NELL1: variants seen among roughly 807,000 people sequenced by gnomAD.
NELL1 encodes neural EGFL like 1.
Under a neutral mutation model 107.4 loss-of-function variants are expected in NELL1, and 76 were observed. That is an observed-to-expected ratio of 0.71 (90% CI 0.59 to 0.86). NELL1 has a LOEUF of 0.86. NELL1 is among the 40% of genes least tolerant of loss of function. NELL1 has a pLI of 0.00. For missense variants in NELL1, 1,024 were observed against 1,005.5 expected (o/e 1.02, Z -0.25); for synonymous variants, 353 against 341.2 (o/e 1.03, Z -0.38).
intron 11 of NELL1, among the ~76,000 whole-genome samples, chr11:20,948,851 A>C (rs2134200410): frequency 6.6e-6 from 1 of 151,978 alleles, no homozygotes; most frequent in East Asian, 1.9e-4. Flanking sequence ...ATTCTCAAAT[A>C]CCCAGTAAGT....
intron 2 of NELL1, among the ~76,000 whole-genome samples, chr11:20,726,087 T>C (rs1343443865): frequency 6.6e-6 from 1 of 152,220 alleles, no homozygotes; most frequent in Non-Finnish European, 1.5e-5. Context: ...CGGTCTTTTT[T>C]ATGACTGCAT....
chr11:20,916,457 T>C (rs1417216677), intron 5 of NELL1, among the ~76,000 whole-genome samples: 1 of 151,926 alleles, frequency 6.6e-6, no homozygotes, highest in Non-Finnish European at 1.5e-5. Context: ...TTAAAATGAG[T>C]TTTCAGTTTG....
At chr11:21,140,020 T>A (rs1038317720) in intron 13 of NELL1, among the ~76,000 whole-genome samples, 2 of 152,172 alleles carry the variant, frequency 1.3e-5, no homozygotes, top group South Asian at 4.1e-4. Flanking sequence ...AAACAGATAA[T>A]GATCTCTGAG....
At chr11:20,672,984 C>CCCCCCCCCCG (rs1853957390) in intron 1 of NELL1, among the ~76,000 whole-genome samples, 1 of 94,484 alleles carries the variant, frequency 1.1e-5, no homozygotes. Flanking sequence ...CCCCCCCCCC[C>CCCCCCCCCCG]CCCGAGTAGC....
intron 13 of NELL1, among the ~76,000 whole-genome samples, chr11:21,199,234 C>A (rs892297903): frequency 1.3e-5 from 2 of 152,072 alleles, no homozygotes; most frequent in Non-Finnish European, 2.9e-5. Flanking sequence ...GCACACTTAC[C>A]TTAAATCCAT....
chr11:21,342,389 C>T (rs889949526), intron 14 of NELL1, among the ~76,000 whole-genome samples: 2 of 143,344 alleles, frequency 1.4e-5, no homozygotes, highest in South Asian at 4.6e-4. Flanking sequence ...GCCTGTAATC[C>T]CAGTGCTTTG....
At chr11:21,271,132 T>C (rs927076778) in intron 14 of NELL1, among the ~76,000 whole-genome samples, 3 of 151,902 alleles carry the variant, frequency 2.0e-5, no homozygotes, top group African/African-American at 7.2e-5. Flanking sequence ...AGAAAACATA[T>C]AATAAAAATT....
chr11:21,063,220 A>G (rs1853785205), intron 12 of NELL1, among the ~76,000 whole-genome samples: 1 of 152,136 alleles, frequency 6.6e-6, no homozygotes, highest in Non-Finnish European at 1.5e-5. Flanking sequence ...GAGTTCTGGG[A>G]GAGGCCCTAG....
intron 13 of NELL1, among the ~76,000 whole-genome samples, chr11:21,220,241 C>CCTGGGT (rs1331339880): frequency 6.6e-6 from 1 of 152,150 alleles, no homozygotes; most frequent in Non-Finnish European, 1.5e-5. Flanking sequence ...ATGCCAGTAT[C>CCTGGGT]ATGCTGTTTT....
In NELL1 at chr11:21,451,613, G is replaced by A. The variant is rs77101950; in HGVS notation, c.1645+80665G>A. 6.0e-4 allele frequency among the ~76,000 whole-genome samples: 92 copies of A among 152,166 alleles called. No homozygotes were observed. In the East Asian group the frequency reaches 0.013, roughly 22 times the overall value. ...AAAGGTTCCTGAGAAATAGAATCAG[G>A]AATTTACATTTTAAATTATATTTAT... On this transcript the variant is annotated intron_variant, in intron 15 of 19. Transcript: ENST00000357134.
intron 2 of NELL1, among the ~76,000 whole-genome samples, chr11:20,760,146 T>C (rs1201546715): frequency 6.6e-6 from 1 of 152,204 alleles, no homozygotes; most frequent in Non-Finnish European, 1.5e-5. Context: ...GTAGGTTGCT[T>C]ACAGCTATAG....
chr11:21,062,794 A>G (rs1455164606), intron 12 of NELL1, among the ~76,000 whole-genome samples: 1 of 151,958 alleles, frequency 6.6e-6, no homozygotes, highest in Non-Finnish European at 1.5e-5. Context: ...TTATGATTAT[A>G]GTTTTCCTTT....
rs150431028 is a variant in NELL1 at position 20,687,042 on chromosome 11, T to TCC, written c.184+8983_184+8984insCC. 9.9e-4 allele frequency among the ~76,000 whole-genome samples: 117 copies of TCC among 117,796 alleles called. 1 individual carries two copies. The highest frequency in any genetic ancestry group is 3.0e-3 in the African/African-American group (75 of 24,966). 77.3% of individuals were successfully genotyped at this position (117,796 alleles called of 152,430 possible). On this transcript the variant is annotated intron_variant, in intron 2 of 19. Transcript: ENST00000357134. ...TGGTCTGTTTTGGGATCTCTCTCTC[T>TCC]CTCTTTTTTTTTTTTTCAAATTTTT...
intron 4 of NELL1, among the ~76,000 whole-genome samples, chr11:20,855,987 T>C (rs971340404): frequency 6.6e-6 from 1 of 152,236 alleles, no homozygotes; most frequent in African/African-American, 2.4e-5. Context: ...TGTAACAAGA[T>C]TCATCTATCT....
At chr11:20,845,362 C>T (rs1370590708) in intron 3 of NELL1, among the ~76,000 whole-genome samples, 1 of 152,064 alleles carries the variant, frequency 6.6e-6, no homozygotes, top group East Asian at 1.9e-4. Flanking sequence ...AGGCCACAAC[C>T]CCAAGAATAA....
intron 15 of NELL1, among the ~76,000 whole-genome samples, chr11:21,530,975 G>T (rs1284526271): frequency 1.3e-5 from 2 of 152,054 alleles, no homozygotes; most frequent in African/African-American, 4.8e-5. Context: ...CCCTAGCAAG[G>T]TAAACCTGCA....
At chr11:20,763,756 G>T (rs1290832035) in intron 2 of NELL1, among the ~76,000 whole-genome samples, 1 of 152,262 alleles carries the variant, frequency 6.6e-6, no homozygotes, top group East Asian at 1.9e-4. Context: ...GCCCTGGCAG[G>T]CCAGCTGAGA....
intron 12 of NELL1, among the ~76,000 whole-genome samples, chr11:20,963,043 C>T (rs971321228): frequency 5.9e-5 from 9 of 152,228 alleles, no homozygotes; most frequent in South Asian, 4.1e-4. Context: ...ATGCCTTTCT[C>T]GCATTCCTTC....
intron 3 of NELL1, among the ~76,000 whole-genome samples, chr11:20,810,591 C>A (rs868088368): frequency 6.6e-6 from 1 of 152,112 alleles, no homozygotes. Flanking sequence ...AATATATATA[C>A]CATAGTTTCT....
Sources: gnomAD v4.1 joint callset for allele counts (sites outside exome capture counted in the v4.1 genomes callset) on GRCh38, gnomAD v4.1.1 for gene constraint, MANE v1.5 for transcripts, NCBI Gene and HGNC (gene_info 2026-07-23, HGNC 2026-07-21) for gene names.